Variants in VEPH1 observed in about 807,000 individuals in gnomAD.
The protein encoded by VEPH1 is ventricular zone-expressed PH domain-containing protein homolog 1.
In VEPH1, 80 loss-of-function variants were observed where a neutral mutation model predicts 85.2. The observed-to-expected ratio is 0.94, with a 90% CI of 0.78 to 1.13. The LOEUF is 1.13. Ranked by LOEUF, VEPH1 falls within the 50% of genes most tolerant of loss-of-function variation. VEPH1 has a pLI of 0.00. For synonymous variants in VEPH1, 297 were observed against 348.0 expected, an observed-to-expected ratio of 0.85 and a Z score of 1.63; for missense variants, 955 against 980.5, an observed-to-expected ratio of 0.97 and a Z score of 0.35.
Position 157,404,654 on chromosome 3 carries a change from C to A in VEPH1, c.906+9227G>T, listed in dbSNP as rs1731018509. Among the ~76,000 whole-genome samples the A allele has an allele frequency of 2.0e-5, 3 of 152,268 alleles. No homozygotes were observed. In the South Asian group the frequency reaches 6.2e-4, roughly 32 times the overall value. ...AAAGGAGTTTTGGAAGTTTACAAAA[C>A]ACCAACTCCCATCACTGGTTGTAGG... On this transcript the variant is annotated intron_variant, in intron 6 of 13. Coordinates refer to ENST00000362010, the MANE Select transcript of VEPH1 (RefSeq NM_001167912.2).
At chr3:157,430,109 G>A (rs1467142633) in intron 4 of VEPH1, among the ~76,000 whole-genome samples, 1 of 152,110 alleles carries the variant, frequency 6.6e-6, no homozygotes, top group Non-Finnish European at 1.5e-5. Context: ...AGGAACATTG[G>A]TGTGCCTACC....
chr3:157,418,064 G>C (rs1732053359), intron 5 of VEPH1, among the ~76,000 whole-genome samples: 1 of 152,158 alleles, frequency 6.6e-6, no homozygotes, highest in Non-Finnish European at 1.5e-5. Flanking sequence ...TTGTTCTCAG[G>C]AGAATAGACC....
intron 12 of VEPH1, among the ~76,000 whole-genome samples, chr3:157,282,079 A>G (rs1439803826): frequency 1.3e-5 from 2 of 152,288 alleles, no homozygotes; most frequent in East Asian, 3.8e-4. Flanking sequence ...CTGTCTGAAA[A>G]AACTCTCCTG....
intron 3 of VEPH1, among the ~76,000 whole-genome samples, chr3:157,467,134 T>C (rs1200949949): frequency 6.6e-6 from 1 of 151,108 alleles, no homozygotes; most frequent in Non-Finnish European, 1.5e-5. Flanking sequence ...TATGTGTGTG[T>C]GTGTGTGTGT....
intron 12 of VEPH1, among the ~76,000 whole-genome samples, chr3:157,284,182 A>G (rs62279641): frequency 0.23 from 35,483 of 152,210 alleles, 4,282 homozygotes; most frequent in Non-Finnish European, 0.27. Flanking sequence ...TTCAAGGAAT[A>G]TTTGACATTG....
chr3:157,421,737 C>T (rs1371520211), intron 5 of VEPH1, among the ~76,000 whole-genome samples: 4 of 152,116 alleles, frequency 2.6e-5, no homozygotes, highest in Admixed American at 6.5e-5. Flanking sequence ...GCAGCAGGAA[C>T]AGAGCACGAA....
At chr3:157,379,399 A>G (rs1006356778) in intron 7 of VEPH1, among the ~76,000 whole-genome samples, 2 of 152,218 alleles carry the variant, frequency 1.3e-5, no homozygotes, top group South Asian at 2.1e-4. Context: ...TGCTTGGCAC[A>G]TGGAAGATAA....
intron 2 of VEPH1, among the ~76,000 whole-genome samples, chr3:157,475,825 G>A (rs1370950474): frequency 6.6e-6 from 1 of 152,220 alleles, no homozygotes; most frequent in African/African-American, 2.4e-5. Context: ...AACGGTCAGA[G>A]CTTCAGCCAT....
intron 7 of VEPH1, among the ~76,000 whole-genome samples, chr3:157,366,776 C>T (rs1371607856): frequency 1.3e-5 from 2 of 151,978 alleles, no homozygotes; most frequent in Non-Finnish European, 2.9e-5. Context: ...ACAACAACAA[C>T]AACAAAAAAC....
chr3:157,331,596 C>T (rs983190838), intron 9 of VEPH1, among the ~76,000 whole-genome samples: 1 of 152,072 alleles, frequency 6.6e-6, no homozygotes, highest in East Asian at 1.9e-4. Context: ...TGCAGAGGAC[C>T]GCAGGACACC....
chr3:157,286,567 C>G lies in VEPH1; in HGVS notation c.2118G>C (p.Glu706Asp), dbSNP rs1378977063. 94 of 1,613,910 alleles carry G rather than the reference C, an allele frequency of 5.8e-5. No homozygotes were observed. The highest frequency in any genetic ancestry group is 7.8e-5 in the Non-Finnish European group (92 of 1,179,898). ...AWQCFMCNNP[E>D]KATVVNQDGQ... ...GTAAGGGTCTCTCACCAGTTGCTTT[C>G]TCAGGATTGTTGCACATGAAGCATT... Residue 706 changes from glutamate to aspartate, a missense_variant, in exon 12 of 14, where the codon GAG becomes GAC. Glu to Asp is a conservative substitution (Grantham distance 45). Coordinates refer to ENST00000362010, the MANE Select transcript of VEPH1 (RefSeq NM_001167912.2).
intron 13 of VEPH1, among the ~76,000 whole-genome samples, chr3:157,262,250 C>T (rs1404354908): frequency 6.6e-6 from 1 of 152,172 alleles, no homozygotes; most frequent in East Asian, 1.9e-4. Flanking sequence ...ATCCATCAGC[C>T]AAGGCAATGT....
intron 12 of VEPH1, among the ~76,000 whole-genome samples, chr3:157,277,003 C>T (rs892625133): frequency 5.9e-5 from 9 of 151,784 alleles, no homozygotes; most frequent in African/African-American, 2.2e-4. Flanking sequence ...AAATGATTCT[C>T]TCATCTCAGC....
intron 3 of VEPH1, among the ~76,000 whole-genome samples, chr3:157,465,113 A>T (rs985847348): frequency 6.6e-6 from 1 of 152,298 alleles, no homozygotes; most frequent in East Asian, 1.9e-4. Context: ...TAGATACTGA[A>T]GCCTATTCTG....
At chr3:157,371,239 T>G (rs972056069) in intron 7 of VEPH1, among the ~76,000 whole-genome samples, 1 of 152,194 alleles carries the variant, frequency 6.6e-6, no homozygotes, top group African/African-American at 2.4e-5. Context: ...ATACAAGAAC[T>G]GGGATATAGA....
At chr3:157,397,231 A>G (rs1560030810) in intron 6 of VEPH1, among the ~76,000 whole-genome samples, 1 of 152,158 alleles carries the variant, frequency 6.6e-6, no homozygotes, top group Admixed American at 6.5e-5. Context: ...GTTGGAGGTC[A>G]GATGGTTGTA....
chr3:157,393,201 A>G (rs1730037917), intron 6 of VEPH1, among the ~76,000 whole-genome samples: 2 of 152,216 alleles, frequency 1.3e-5, no homozygotes. Flanking sequence ...GAATAGAAAG[A>G]AGCTTATCAA....
In VEPH1 at chr3:157,470,493, C is replaced by A; in HGVS notation, c.175G>T (p.Glu59Ter). 1 of 1,614,172 alleles carries A rather than the reference C, an allele frequency of 6.2e-7. No homozygotes were observed. The highest frequency in any genetic ancestry group is 8.5e-7 in the Non-Finnish European group (1 of 1,180,028). Residue 59 changes from glutamate to a stop codon, truncating the protein, a stop_gained, in exon 3 of 14, where the codon GAA (glutamate) becomes TAA (stop). Transcript: ENST00000362010. LOFTEE classifies it high-confidence loss of function. ...GTTGTGATTCTTGTGATACAGATTT[C>A]AACTACTGCCTGGTCATTGTTATTG... The part of the protein sequence containing the change: ...QTNNNDQAVV[E>*]ICITRITTAI...
chr3:157,334,309 T>C (rs1425959278), intron 9 of VEPH1, among the ~76,000 whole-genome samples: 4 of 152,222 alleles, frequency 2.6e-5, no homozygotes, highest in African/African-American at 7.2e-5. Flanking sequence ...GGATATACCA[T>C]GAATTTGAAA....
Sources: allele counts gnomAD v4.1 joint callset (sites outside exome capture counted in the v4.1 genomes callset), GRCh38; gene constraint gnomAD v4.1.1; transcripts MANE v1.5; gene names NCBI Gene and HGNC (gene_info 2026-07-23, HGNC 2026-07-21).